PLRG1: variants seen among roughly 807,000 people sequenced by gnomAD.
PLRG1 encodes pleiotropic regulator 1.
A neutral mutation model predicts 74.9 loss-of-function variants in PLRG1; 28 were observed. The ratio of observed to expected loss-of-function variants is 0.37; its 90% CI spans 0.28 to 0.51. The LOEUF (loss-of-function observed/expected upper bound fraction) is 0.51, where lower values mean the gene tolerates loss of function less well. Among genes scored for constraint, PLRG1 ranks in the 20% least tolerant of loss-of-function variants. The pLI, the probability that PLRG1 is intolerant of heterozygous loss-of-function variation, is 0.91. For synonymous variants in PLRG1, 197 were observed against 212.4 expected (o/e 0.93, Z 0.63); for missense variants, 445 against 631.9 (o/e 0.70, Z 3.17).
chr4:154,540,417 C>T (rs954216659), intron 10 of PLRG1, 177 bp downstream of exon 10: 2 of 606,238 alleles, frequency 3.3e-6, no homozygotes, highest in African/African-American at 3.7e-5. Context: ...TGAGGCCATA[C>T]AACTGAAGAC....
chr4:154,536,503 A>T lies in PLRG1; in HGVS notation c.*182T>A, dbSNP rs937140873. 1.8e-6 allele frequency: 1 copy of T among 564,556 alleles called. No individual in the cohort carries two copies. Among genetic ancestry groups the T allele is most frequent in the Non-Finnish European group, 3.1e-6 (1 of 320,802 alleles). 35.0% of individuals were successfully genotyped at this position (564,556 alleles called of 1,614,324 possible). The stretch of plus-strand genomic sequence containing the variant: ...CACAAATTGTTTTAGAAATAAAAAC[A>T]CAGGGGTAGGGGACAGGGGACAGTT... On this transcript the variant is annotated 3_prime_UTR_variant, in exon 15 of 15. Transcript: ENST00000499023.
intron 2 of PLRG1, among the ~76,000 whole-genome samples, chr4:154,548,098 G>A (rs116345235): frequency 0.017 from 2,515 of 152,144 alleles, 61 homozygotes; most frequent in African/African-American, 0.057. Flanking sequence ...AACCTTTTAT[G>A]ATAAATTGTC....
In PLRG1 at chr4:154,548,003, C is replaced by G. The variant is rs935416350; in HGVS notation, c.117-150G>C. 3 of 585,640 alleles carry G rather than the reference C, an allele frequency of 5.1e-6. No homozygotes were observed. The East Asian group carries it at 8.7e-5, about 17-fold the overall frequency. 36.3% of individuals were successfully genotyped at this position (585,640 alleles called of 1,614,324 possible). Reference sequence around the variant, plus strand: ...AAAAATTTCCAAGGGCATTTCCCCACCATATCTGTTCTTTTGCTTACATTC... The same window carrying G: ...AAAAATTTCCAAGGGCATTTCCCCAGCATATCTGTTCTTTTGCTTACATTC... On this transcript the variant is annotated intron_variant, in intron 2 of 14. Coordinates refer to ENST00000499023, the MANE Select transcript of PLRG1 (RefSeq NM_002669.4).
At chr4:154,542,087 G>A in intron 8 of PLRG1, 100 bp downstream of exon 8, 2 of 725,016 alleles carry the variant, frequency 2.8e-6, no homozygotes, top group East Asian at 2.7e-5. Context: ...TAAAATAACA[G>A]AGGAACTGCA....
intron 1 of PLRG1, among the ~76,000 whole-genome samples, chr4:154,549,934 T>G (rs192226103): frequency 1.3e-5 from 2 of 152,286 alleles, no homozygotes; most frequent in East Asian, 1.9e-4. Context: ...GAACGCAAGA[T>G]AGAGAAGACT....
chr4:154,539,368 A>C (rs147264650), intron 11 of PLRG1, among the ~76,000 whole-genome samples, 155 bp from the exon 12 acceptor site: 56 of 152,252 alleles, frequency 3.7e-4, no homozygotes, highest in African/African-American at 1.3e-3. Flanking sequence ...CATAGTTCCA[A>C]ATTTTTAGGT....
At chr4:154,540,734 G>A in intron 9 of PLRG1, 39 bp from the exon 10 acceptor site, 1 of 1,607,448 alleles carries the variant, frequency 6.2e-7, no homozygotes, top group South Asian at 1.1e-5. Flanking sequence ...TCTAGAATTA[G>A]AAAGATAAAT....
chr4:154,544,790 G>A (rs1435708216), intron 6 of PLRG1, among the ~76,000 whole-genome samples: 1 of 152,186 alleles, frequency 6.6e-6, no homozygotes, highest in Non-Finnish European at 1.5e-5. Context: ...ATTACTAGCT[G>A]TTTGACATTA....
At chr4:154,540,382 C>A (rs1444740407) in intron 10 of PLRG1, 1 of 586,926 alleles carries the variant, frequency 1.7e-6, no homozygotes, top group Non-Finnish European at 3.0e-6. Flanking sequence ...ATTTCAGGGG[C>A]AGGGCACTAA....
In PLRG1 at chr4:154,550,331, C is replaced by T; in HGVS notation, c.-23G>A. On this transcript the variant is annotated 5_prime_UTR_variant, in exon 1 of 15. Coordinates refer to ENST00000499023, the MANE Select transcript of PLRG1 (RefSeq NM_002669.4). ...CATGATGCTACCGTGTATCCCACCT[C>T]CGGCAGGGAAGAAACTCTAATCACT... The T allele has an allele frequency of 6.2e-7, 1 of 1,612,044 alleles. No homozygotes were observed. Among genetic ancestry groups the T allele is most frequent in the Non-Finnish European group, 8.5e-7 (1 of 1,178,076 alleles).
intron 10 of PLRG1, 185 bp from the exon 11 acceptor site, chr4:154,540,238 C>A: frequency 1.7e-6 from 1 of 582,306 alleles, no homozygotes; most frequent in East Asian, 2.8e-5. Flanking sequence ...AGACAACTTG[C>A]AAGAATTCTA....
intron 8 of PLRG1, 152 bp downstream of exon 8, chr4:154,542,035 A>C: frequency 1.7e-6 from 1 of 597,834 alleles, no homozygotes. Context: ...TATTTAGAAC[A>C]CTTATTAGTA....
chr4:154,542,915 G>A (rs943240881), intron 7 of PLRG1, among the ~76,000 whole-genome samples: 3 of 152,140 alleles, frequency 2.0e-5, no homozygotes, highest in Non-Finnish European at 2.9e-5. Context: ...GGTGGATCAC[G>A]GGTACAAAAA....
In PLRG1 at chr4:154,540,068, TA is replaced by T. The variant is rs1560806525; in HGVS notation, c.940-16del. On this transcript the variant is annotated splice_polypyrimidine_tract_variant and intron_variant, in intron 10 of 14. Transcript: ENST00000499023. ...ACATCCCAAATCTATAAAAACACAA[TA>T]GACATATTAGGAAAGAGAATAGGTA... The T allele has an allele frequency of 7.9e-7, 1 of 1,272,858 alleles. No homozygotes were observed. The highest frequency in any genetic ancestry group is 1.2e-5 in the South Asian group (1 of 84,266). 78.8% of individuals were successfully genotyped at this position (1,272,858 alleles called of 1,614,324 possible). A position where few individuals can be genotyped will look rare whatever the true frequency, so the allele number is the denominator to read the frequency against.
rs761929759 is a variant in PLRG1 at position 154,536,651 on chromosome 4, G to C, written c.*34C>G. 7 of 1,055,654 alleles carry C rather than the reference G, an allele frequency of 6.6e-6. No individual in the cohort carries two copies. The highest frequency in any genetic ancestry group is 9.7e-6 in the Non-Finnish European group (7 of 720,146). The allele number at this position is 1,055,654 out of a possible 1,614,324, so 65.4% of individuals were successfully genotyped here. On this transcript the variant is annotated 3_prime_UTR_variant, in exon 15 of 15. Transcript: ENST00000499023. ...AAGCTTTTTTTTTTTTAATTAAAAA[G>C]AAAAAAAAAGAGAGAGAAAAAATTC...
chr4:154,549,563 G>GC (rs1729721037), intron 1 of PLRG1: 1 of 406,634 alleles, frequency 2.5e-6, no homozygotes, highest in Non-Finnish European at 4.9e-6. Flanking sequence ...ACAAGGTCCA[G>GC]ATTAGGTAAG....
At chr4:154,545,335 C>T (rs1013183773) in intron 6 of PLRG1, among the ~76,000 whole-genome samples, 1 of 146,828 alleles carries the variant, frequency 6.8e-6, no homozygotes, top group African/African-American at 2.5e-5. Flanking sequence ...GCAGATAAAT[C>T]AATAAAATAA....
chr4:154,546,608 T>C, intron 4 of PLRG1: 1 of 294,656 alleles, frequency 3.4e-6, no homozygotes, highest in Non-Finnish European at 6.4e-6. Context: ...ACTAAGCCTT[T>C]TGTCCTCTAC....
chr4:154,542,058 T>G, intron 8 of PLRG1, 129 bp downstream of exon 8: 1 of 636,884 alleles, frequency 1.6e-6, no homozygotes, highest in East Asian at 2.7e-5. Context: ...AATGATAAAT[T>G]TTACTCCTTA....
Sources: allele counts gnomAD v4.1 joint callset (sites outside exome capture counted in the v4.1 genomes callset), GRCh38; gene constraint gnomAD v4.1.1; transcripts MANE v1.5; gene names NCBI Gene and HGNC (gene_info 2026-07-23, HGNC 2026-07-21).